The following ANKRD27 variants were observed in gnomAD, a reference collection of about 807,000 sequenced individuals.
The protein encoded by ANKRD27 is ankyrin repeat domain-containing protein 27.
In ANKRD27, 112 loss-of-function variants were observed where a neutral mutation model predicts 129.7. The ratio of observed to expected loss-of-function variants is 0.86; its 90% confidence interval spans 0.74 to 1.01. The LOEUF (loss-of-function observed/expected upper bound fraction) is 1.01. ANKRD27 is among the 50% of genes least tolerant of loss of function. ANKRD27 has a pLI of 0.00. For missense variants in ANKRD27, 1,258 were observed against 1,300.5 expected (o/e 0.97, Z 0.50); for synonymous variants, 516 against 511.2 (o/e 1.01, Z -0.13).
At chr19:32,654,122 A>G (rs1448285478) in intron 2 of ANKRD27, among the ~76,000 whole-genome samples, 5 of 152,058 alleles carry the variant, frequency 3.3e-5, no homozygotes, top group Non-Finnish European at 5.9e-5. Context: ...GACTGGTCTC[A>G]AACTCCTGAC....
rs1024986740 is a variant in ANKRD27 at position 32,601,412 on chromosome 19, C to T, written c.2767+603G>A. On this transcript the variant is annotated intron_variant, in intron 26 of 28. Coordinates refer to ENST00000306065, the MANE Select transcript of ANKRD27 (RefSeq NM_032139.3). ...GAGATGGAGACCATCCTGGCTAACA[C>T]GGTGAAGCCCCTCTCTACTAAAAAT... Among the ~76,000 whole-genome samples the T allele has an allele frequency of 2.6e-5, 4 of 151,876 alleles. No homozygotes were observed. The East Asian group carries it at 5.8e-4, about 22-fold the overall frequency.
intron 1 of ANKRD27, among the ~76,000 whole-genome samples, chr19:32,660,644 C>T (rs1368904667): frequency 6.6e-6 from 1 of 152,182 alleles, no homozygotes; most frequent in Non-Finnish European, 1.5e-5. Flanking sequence ...GGATCTTCAC[C>T]TTGTACTTCC....
chr19:32,648,660 C>G (rs1350896548), intron 3 of ANKRD27, among the ~76,000 whole-genome samples: 2 of 151,990 alleles, frequency 1.3e-5, no homozygotes, highest in African/African-American at 4.8e-5. Flanking sequence ...ATTAGCTGGG[C>G]ATGGTGGCGG....
chr19:32,601,929 T>C, intron 26 of ANKRD27, 86 bp downstream of exon 26: 1 of 817,102 alleles, frequency 1.2e-6, no homozygotes, highest in South Asian at 1.5e-5. Flanking sequence ...ACACTTTACA[T>C]ATACAATTAA....
At chr19:32,619,692 C>T (rs1971979214) in intron 18 of ANKRD27, 139 bp from the exon 19 acceptor site, 7 of 1,019,872 alleles carry the variant, frequency 6.9e-6, no homozygotes, top group Admixed American at 1.9e-5. Context: ...GTGGCCCAGT[C>T]GCACCCTTGG....
chr19:32,624,104 C>T (rs550031983), intron 17 of ANKRD27, among the ~76,000 whole-genome samples: 3 of 152,132 alleles, frequency 2.0e-5, no homozygotes, highest in East Asian at 3.9e-4. Flanking sequence ...CGGTGGCTCA[C>T]GCCTGTAATC....
At chr19:32,608,471 A>C (rs189318316) in intron 22 of ANKRD27, 240 of 289,364 alleles carry the variant, frequency 8.3e-4, no homozygotes, top group Middle Eastern at 2.9e-3. Flanking sequence ...AGGTGAGAAT[A>C]ATTTTACTTT....
chr19:32,599,386 T>C (rs1412465518), intron 28 of ANKRD27, among the ~76,000 whole-genome samples: 2 of 152,200 alleles, frequency 1.3e-5, no homozygotes, highest in African/African-American at 4.8e-5. Context: ...ATATACAAAC[T>C]GTCGTTTTCT....
chr19:32,623,708 A>G (rs1972048596), intron 17 of ANKRD27, among the ~76,000 whole-genome samples: 1 of 151,970 alleles, frequency 6.6e-6, no homozygotes. Flanking sequence ...GCCACCACAC[A>G]CAGCTAATTT....
intron 25 of ANKRD27, among the ~76,000 whole-genome samples, chr19:32,603,494 T>C (rs1971683196): frequency 6.6e-6 from 1 of 152,216 alleles, no homozygotes; most frequent in African/African-American, 2.4e-5. Context: ...TCCACAGCAC[T>C]GGAGAAGGCA....
At chr19:32,629,821 C>CTCA (rs1438381920) in intron 13 of ANKRD27, among the ~76,000 whole-genome samples, 1 of 149,416 alleles carries the variant, frequency 6.7e-6, no homozygotes, top group African/African-American at 2.5e-5. Flanking sequence ...TAGAAAAAGC[C>CTCA]TCAGCCCTGT....
At chr19:32,604,042 T>A (rs1031516996) in intron 25 of ANKRD27, among the ~76,000 whole-genome samples, 1 of 152,068 alleles carries the variant, frequency 6.6e-6, no homozygotes, top group Non-Finnish European at 1.5e-5. Flanking sequence ...GAAAACCACC[T>A]GTGAAAAGAA....
chr19:32,627,362 T>TTTTATTTA lies in ANKRD27; in HGVS notation c.1421-543_1421-536dup, dbSNP rs149637042. On this transcript the variant is annotated intron_variant, in intron 15 of 28. Coordinates refer to ENST00000306065, the MANE Select transcript of ANKRD27 (RefSeq NM_032139.3). ...TTTTCTATCTTGAATGTGCACTTTA[T>TTTTATTTA]TTTATTTATTTATTTATTTATTTAT... Among the ~76,000 whole-genome samples, 41 of 132,328 alleles carry TTTTATTTA rather than the reference T, an allele frequency of 3.1e-4. 1 individual carries two copies. Among genetic ancestry groups the TTTTATTTA allele is most frequent in the South Asian group, 1.5e-3 (6 of 3,884 alleles). 86.8% of individuals were successfully genotyped at this position (132,328 alleles called of 152,430 possible).
chr19:32,659,133 CTTTTTCTT>C (rs1967599323), intron 1 of ANKRD27, 88 bp from the exon 2 acceptor site: 44 of 330,504 alleles, frequency 1.3e-4, no homozygotes, highest in Non-Finnish European at 1.4e-4. Context: ...CTGGCATTTT[CTTTTTCTT>C]TTTTTTTTTT....
intron 13 of ANKRD27, among the ~76,000 whole-genome samples, chr19:32,630,379 G>A (rs1437552187): frequency 1.3e-5 from 2 of 152,176 alleles, no homozygotes; most frequent in African/African-American, 4.8e-5. Flanking sequence ...TCTGAGCAGG[G>A]AGCTGCCCCC....
Position 32,619,326 on chromosome 19 carries a change from G to A in ANKRD27, c.1941C>T (p.Ser647=), listed in dbSNP as rs1384205866. The change falls in exon 20 of 29, where the codon TCC becomes TCT. Residue 647 remains serine (S), a synonymous_variant. Transcript: ENST00000306065. The stretch of plus-strand genomic sequence containing the variant: ...CTGACATGGAGGAGAAGCTGGAAGT[G>A]GAGGACTCTTGGCTGATGGAGTCCA... ...RSVDSISQES[S]TSSFSSMSAS... 1 of 1,613,960 alleles carries A rather than the reference G, an allele frequency of 6.2e-7. No individual in the cohort carries two copies. Among genetic ancestry groups the A allele is most frequent in the African/African-American group, 1.3e-5 (1 of 75,048 alleles).
chr19:32,633,680 C>A (rs952811425), intron 12 of ANKRD27, among the ~76,000 whole-genome samples: 1 of 151,832 alleles, frequency 6.6e-6, no homozygotes, highest in East Asian at 1.9e-4. Flanking sequence ...CTAGAGTCAT[C>A]CCAGTAATTT....
At chr19:32,656,067 G>GAAAGAAA (rs1469924350) in intron 2 of ANKRD27, among the ~76,000 whole-genome samples, 146 of 50,848 alleles carry the variant, frequency 2.9e-3, no homozygotes, top group Admixed American at 1.0e-2. Context: ...AGAAAAGAAA[G>GAAAGAAA]AAAGAAAGAA....
At chr19:32,642,216 A>AG in intron 9 of ANKRD27, 71 bp from the exon 10 acceptor site, 4 of 1,354,550 alleles carry the variant, frequency 3.0e-6, no homozygotes, top group Non-Finnish European at 1.9e-6. Context: ...ATCTAAGAAC[A>AG]CATCTCAGGA....
Sources: gnomAD v4.1 joint callset for allele counts (sites outside exome capture counted in the v4.1 genomes callset) on GRCh38, gnomAD v4.1.1 for gene constraint, MANE v1.5 for transcripts, NCBI Gene and HGNC (gene_info 2026-07-23, HGNC 2026-07-21) for gene names.